The following MANBAL variants were observed in gnomAD, a reference collection of about 807,000 sequenced individuals.
MANBAL encodes the protein mannosidase beta like, also known as protein MANBAL.
In MANBAL, 1 loss-of-function variant was observed where a neutral mutation model predicts 6.4. The observed-to-expected ratio is 0.16, with a 90% CI of 0.06 to 0.74. The LOEUF is 0.74. Among genes scored for constraint, MANBAL ranks in the 30% least tolerant of loss-of-function variants. MANBAL has a pLI of 0.78. For missense variants in MANBAL, 100 were observed against 107.8 expected (o/e 0.93, Z 0.32); for synonymous variants, 47 against 45.8 (o/e 1.03, Z -0.10).
At chr20:37,296,149 T>G (rs2068991509) in intron 1 of MANBAL, among the ~76,000 whole-genome samples, 1 of 152,196 alleles carries the variant, frequency 6.6e-6, no homozygotes, top group African/African-American at 2.4e-5. Context: ...CTCTGTAACA[T>G]TTAAGTTTTC....
intron 2 of MANBAL, among the ~76,000 whole-genome samples, chr20:37,301,660 C>T (rs2069140131): frequency 1.3e-5 from 2 of 152,196 alleles, no homozygotes; most frequent in African/African-American, 4.8e-5. Context: ...GTAGTGTCTG[C>T]ACCTGAGGAG....
chr20:37,305,284 A>G (rs907990910), intron 2 of MANBAL, among the ~76,000 whole-genome samples: 1 of 152,188 alleles, frequency 6.6e-6, no homozygotes, highest in Non-Finnish European at 1.5e-5. Context: ...GAGGGAGGTG[A>G]TGAGCCTTCT....
rs371292558 is a variant in MANBAL, at chr20:37,316,427, T to C, written c.*12T>C. 6.2e-7 allele frequency: 1 copy of C among 1,609,094 alleles called. No homozygotes were observed. The highest frequency in any genetic ancestry group is 8.5e-7 in the Non-Finnish European group (1 of 1,177,086). ...AGAAGAAGCGGTAGAAGAGGAGGCCTGAGGAGCTGGGCGGGCAGGGAGAGG... is the reference window on the plus strand; with the variant it reads ...AGAAGAAGCGGTAGAAGAGGAGGCCCGAGGAGCTGGGCGGGCAGGGAGAGG... On this transcript the variant is annotated 3_prime_UTR_variant, in exon 3 of 3. Coordinates refer to ENST00000373606, the MANE Select transcript of MANBAL (RefSeq NM_001003897.2).
intron 1 of MANBAL, among the ~76,000 whole-genome samples, chr20:37,291,082 A>G (rs892317013): frequency 6.6e-6 from 1 of 151,722 alleles, no homozygotes; most frequent in Non-Finnish European, 1.5e-5. Flanking sequence ...TTTCAGTCTT[A>G]AGAGAAGATT....
chr20:37,290,071 C>T (rs1422264089), intron 1 of MANBAL, among the ~76,000 whole-genome samples: 2 of 152,218 alleles, frequency 1.3e-5, no homozygotes, highest in Non-Finnish European at 2.9e-5. Flanking sequence ...AGTCACGGTT[C>T]CTCTCTGGCC....
At chr20:37,307,359 A>G (rs928554393) in intron 2 of MANBAL, among the ~76,000 whole-genome samples, 19 of 152,230 alleles carry the variant, frequency 1.2e-4, no homozygotes, top group Admixed American at 6.5e-5. Context: ...AACCAATTTT[A>G]GGAGGACAGG....
At chr20:37,309,982 T>C (rs764076772) in intron 2 of MANBAL, among the ~76,000 whole-genome samples, 4 of 152,056 alleles carry the variant, frequency 2.6e-5, no homozygotes, top group Non-Finnish European at 5.9e-5. Flanking sequence ...TGCCGTGTGA[T>C]GAGGGTATAA....
chr20:37,298,992 C>G (rs2069068006), intron 1 of MANBAL: 2 of 150,724 alleles, frequency 1.3e-5, no homozygotes, highest in South Asian at 4.2e-4. Context: ...CTGCCTTGGC[C>G]TGTCAAAGTG....
intron 1 of MANBAL, among the ~76,000 whole-genome samples, chr20:37,294,008 A>C (rs1372997574): frequency 6.6e-6 from 1 of 152,202 alleles, no homozygotes; most frequent in Non-Finnish European, 1.5e-5. Flanking sequence ...GCTGGTCGCA[A>C]ACTGCCGGGC....
At chr20:37,314,910 A>C (rs541044302) in intron 2 of MANBAL, among the ~76,000 whole-genome samples, 5 of 152,262 alleles carry the variant, frequency 3.3e-5, no homozygotes, top group African/African-American at 1.2e-4. Flanking sequence ...GCAAGCAGGG[A>C]AGGTCAGGGA....
chr20:37,308,458 G>C (rs2069308687), intron 2 of MANBAL, among the ~76,000 whole-genome samples: 4 of 152,200 alleles, frequency 2.6e-5, no homozygotes, highest in South Asian at 2.1e-4. Flanking sequence ...CCACCACTGT[G>C]TTCCAGCTGC....
chr20:37,302,272 G>T, intron 2 of MANBAL: 1 of 1,550,544 alleles, frequency 6.4e-7, no homozygotes, highest in Non-Finnish European at 8.7e-7. Flanking sequence ...TGTGTTTCCT[G>T]TCAACAGGAG....
At chr20:37,302,239 A>G (rs747363321) in intron 2 of MANBAL, 2 of 1,550,312 alleles carry the variant, frequency 1.3e-6, no homozygotes, top group South Asian at 1.2e-5. Flanking sequence ...CTGTGGTGTC[A>G]TTTAACGTGT....
chr20:37,299,188 C>T (rs1283457863), intron 1 of MANBAL, among the ~76,000 whole-genome samples: 1 of 152,034 alleles, frequency 6.6e-6, no homozygotes, highest in Non-Finnish European at 1.5e-5. Context: ...AGTGATCCTC[C>T]CACCTCAGCC....
intron 2 of MANBAL, among the ~76,000 whole-genome samples, chr20:37,311,290 T>G (rs115925902): frequency 0.01 from 1,578 of 152,244 alleles, 34 homozygotes; most frequent in African/African-American, 0.035. Context: ...CTGGCCAGTA[T>G]CTCAGGGTGA....
chr20:37,299,707 C>T (rs976369528), intron 1 of MANBAL, among the ~76,000 whole-genome samples: 1 of 152,072 alleles, frequency 6.6e-6, no homozygotes, highest in Non-Finnish European at 1.5e-5. Flanking sequence ...TCAGTCATGC[C>T]AGGGGAAGAG....
chr20:37,295,265 T>C (rs762052569), intron 1 of MANBAL, among the ~76,000 whole-genome samples: 2 of 152,232 alleles, frequency 1.3e-5, no homozygotes, highest in Non-Finnish European at 2.9e-5. Flanking sequence ...AAACTCAAGA[T>C]GTACCCAAGA....
intron 1 of MANBAL, among the ~76,000 whole-genome samples, chr20:37,295,547 A>G (rs1481284902): frequency 6.6e-6 from 1 of 152,188 alleles, no homozygotes; most frequent in Non-Finnish European, 1.5e-5. Flanking sequence ...TGGCTCACTA[A>G]TGGGCCACAG....
intron 1 of MANBAL, among the ~76,000 whole-genome samples, chr20:37,292,636 A>G (rs2068898041): frequency 6.6e-6 from 1 of 152,130 alleles, no homozygotes; most frequent in Non-Finnish European, 1.5e-5. Flanking sequence ...TGTTTATTTT[A>G]TACTTTGGAC....
Sources: gnomAD v4.1 joint callset for allele counts (sites outside exome capture counted in the v4.1 genomes callset) on GRCh38, gnomAD v4.1.1 for gene constraint, MANE v1.5 for transcripts, NCBI Gene and HGNC (gene_info 2026-07-23, HGNC 2026-07-21) for gene names.